SHCBP1: variants seen among roughly 807,000 people sequenced by gnomAD.
The protein encoded by SHCBP1 is SHC binding and spindle associated 1.
SHCBP1 carries 60 observed loss-of-function variants against 75.1 expected under a neutral mutation model. The ratio of observed to expected loss-of-function variants is 0.80; its 90% CI spans 0.65 to 0.99. SHCBP1 has a LOEUF of 0.99. Ranked by LOEUF, SHCBP1 falls within the 50% of genes least tolerant of loss-of-function variation. The pLI is 0.00. For synonymous variants in SHCBP1, 290 were observed against 293.2 expected (o/e 0.99, Z 0.11); for missense variants, 709 against 809.4 (o/e 0.88, Z 1.50).
In SHCBP1 at chr16:46,618,423, T is replaced by C. The variant is rs545996830; in HGVS notation, c.104-51A>G. ...AAGCTCCAGTGCCTTATTTGAATGC[T>C]TCTATTTTCATATCCTTGCATAGAA... On this transcript the variant is annotated intron_variant, in intron 1 of 12. Coordinates refer to ENST00000303383, the MANE Select transcript of SHCBP1 (RefSeq NM_024745.5). The C allele has an allele frequency of 2.5e-5, 38 of 1,500,620 alleles. No individual in the cohort carries two copies. In the African/African-American group the frequency reaches 5.1e-4, roughly 20 times the overall value. 93.0% of individuals were successfully genotyped at this position (1,500,620 alleles called of 1,614,324 possible).
intron 10 of SHCBP1, among the ~76,000 whole-genome samples, chr16:46,586,820 A>C (rs1350128260): frequency 6.6e-6 from 1 of 152,204 alleles, no homozygotes; most frequent in Non-Finnish European, 1.5e-5. Flanking sequence ...AAGAAAAAAA[A>C]TTGTCAACCC....
intron 7 of SHCBP1, 157 bp from the exon 8 acceptor site, chr16:46,603,816 G>A (rs1965281074): frequency 4.7e-6 from 6 of 1,270,922 alleles, no homozygotes; most frequent in Non-Finnish European, 6.5e-6. Flanking sequence ...CACATGCCTG[G>A]TAAGTGACTA....
intron 6 of SHCBP1, 29 bp downstream of exon 6, chr16:46,604,199 C>G (rs767162509): frequency 5.6e-6 from 9 of 1,612,668 alleles, no homozygotes; most frequent in Non-Finnish European, 7.6e-6. Context: ...AAGATGCTGA[C>G]TAACTAAGAA....
At position 46,592,951 on chromosome 16, in the gene SHCBP1, C is replaced by CAAAAAAAAAAAAAAAAAAAAAA; in HGVS notation, c.1464+2579_1464+2600dup. 1.4e-3 allele frequency among the ~76,000 whole-genome samples: 32 copies of CAAAAAAAAAAAAAAAAAAAAAA among 22,792 alleles called. 5 individuals carry two copies. The highest frequency in any genetic ancestry group is 2.6e-3 in the East Asian group (1 of 390). 15.0% of individuals were successfully genotyped at this position (22,792 alleles called of 152,430 possible). ...AACATCCACTTATGATAAAAATTCT[C>CAAAAAAAAAAAAAAAAAAAAAA]AAAAAAAAAAAAAAAAAAAAAAAAA... On this transcript the variant is annotated intron_variant, in intron 10 of 12. Coordinates refer to ENST00000303383, the MANE Select transcript of SHCBP1 (RefSeq NM_024745.5).
At chr16:46,603,931 C>T (rs750953154) in intron 7 of SHCBP1, 44 bp downstream of exon 7, 2 of 1,566,038 alleles carry the variant, frequency 1.3e-6, no homozygotes, top group African/African-American at 1.4e-5. Flanking sequence ...TGTGGTGAAT[C>T]AGAAGGAAAA....
At chr16:46,620,195 CTG>C (rs780615853) in intron 1 of SHCBP1, among the ~76,000 whole-genome samples, 4 of 152,174 alleles carry the variant, frequency 2.6e-5, no homozygotes, top group South Asian at 2.1e-4. Flanking sequence ...ATGATCTACT[CTG>C]TTAGCAAATT....
In SHCBP1 at chr16:46,599,824, T is replaced by G. The variant is rs752724699; in HGVS notation, c.1345+7A>C. On this transcript the variant is annotated splice_region_variant and intron_variant, in intron 9 of 12. Coordinates refer to ENST00000303383, the MANE Select transcript of SHCBP1 (RefSeq NM_024745.5). ...ACAAATGATATACCAAACATTCAGATACTTACTTAAGATTCCCTCTACAGC... is the reference window on the plus strand; with the variant it reads ...ACAAATGATATACCAAACATTCAGAGACTTACTTAAGATTCCCTCTACAGC... The G allele has an allele frequency of 1.1e-5, 17 of 1,596,278 alleles. 1 individual carries two copies. The South Asian group carries it at 1.9e-4, about 18-fold the overall frequency.
chr16:46,598,852 T>G (rs1965185585), intron 9 of SHCBP1, among the ~76,000 whole-genome samples: 1 of 152,254 alleles, frequency 6.6e-6, no homozygotes, highest in South Asian at 2.1e-4. Context: ...TCTGGTTAAC[T>G]TTCTGTAGCT....
intron 5 of SHCBP1, among the ~76,000 whole-genome samples, chr16:46,607,751 T>G (rs750143683): frequency 6.6e-6 from 1 of 152,204 alleles, no homozygotes; most frequent in African/African-American, 2.4e-5. Context: ...CCACATTTAA[T>G]AAGGTCATTA....
chr16:46,595,602 G>A lies in SHCBP1; in HGVS notation c.1414C>T (p.Arg472Trp), dbSNP rs1177268431. ...TTCATTAGAAACTCTGCTGATGTCC[G>A]CACTGTGACTCCGGTCGTCTCACAC... ...LQCETTGVTV[R>W]TSAEFLMKNS... Residue 472 changes from arginine to tryptophan, a missense_variant, in exon 10 of 13, where the codon CGG becomes TGG. By Grantham distance (101) the Arg-to-Trp change is moderately radical. Transcript: ENST00000303383. 1.6e-5 allele frequency: 26 copies of A among 1,613,934 alleles called. No individual in the cohort carries two copies. Among genetic ancestry groups the A allele is most frequent in the Middle Eastern group, 1.6e-4 (1 of 6,082 alleles).
intron 10 of SHCBP1, among the ~76,000 whole-genome samples, chr16:46,594,793 A>T (rs1965109260): frequency 6.6e-6 from 1 of 152,212 alleles, no homozygotes; most frequent in African/African-American, 2.4e-5. Flanking sequence ...CCTGTACCCG[A>T]ACGTTTATAG....
rs1232958159 is a variant in SHCBP1 at position 46,582,983 on chromosome 16, T to C, written c.1693+533A>G. 2.0e-5 allele frequency among the ~76,000 whole-genome samples: 3 copies of C among 152,222 alleles called. No homozygotes were observed. The East Asian group carries it at 5.8e-4, about 29-fold the overall frequency. The stretch of plus-strand genomic sequence containing the variant: ...TAGCTTGAAGTTCACAGATTTCCAC[T>C]GAGTTAGCTCCCCTTCGCTGCCAAG... On this transcript the variant is annotated intron_variant, in intron 12 of 12. Coordinates refer to ENST00000303383, the MANE Select transcript of SHCBP1 (RefSeq NM_024745.5).
chr16:46,587,858 T>C (rs1964977009), intron 10 of SHCBP1, among the ~76,000 whole-genome samples: 1 of 152,140 alleles, frequency 6.6e-6, no homozygotes, highest in Non-Finnish European at 1.5e-5. Flanking sequence ...CAACAAAATA[T>C]ACATTCTTCA....
intron 1 of SHCBP1, chr16:46,620,841 C>T: frequency 6.2e-6 from 1 of 160,828 alleles, no homozygotes; most frequent in East Asian, 1.8e-4. Context: ...GGACAGCCAT[C>T]TAAGCCAAGG....
In SHCBP1 at chr16:46,604,009, C is replaced by A. The variant is rs770906199; in HGVS notation, c.1058G>T (p.Cys353Phe). ...TCTTTCTTCCTCACCAGGCTCCTGG[C>A]AAAGCCTGTCCGTAAGCAGGGACCG... is the stretch of plus-strand genomic sequence containing the variant. ...LLRSLLTDRL[C>F]QEPGEEEREI... The change falls in exon 7 of 13, where the codon TGC (cysteine) becomes TTC (phenylalanine). Residue 353 changes from cysteine (C) to phenylalanine (F), a missense_variant. By Grantham distance (205) the Cys-to-Phe change is radical (BLOSUM62 -2). Coordinates refer to ENST00000303383, the MANE Select transcript of SHCBP1 (RefSeq NM_024745.5). 1.9e-6 allele frequency: 3 copies of A among 1,613,608 alleles called. No individual in the cohort carries two copies. The highest frequency in any genetic ancestry group is 2.5e-6 in the Non-Finnish European group (3 of 1,179,908).
At chr16:46,590,252 G>T (rs1383812544) in intron 10 of SHCBP1, among the ~76,000 whole-genome samples, 1 of 152,048 alleles carries the variant, frequency 6.6e-6, no homozygotes, top group African/African-American at 2.4e-5. Flanking sequence ...CAGGACATAC[G>T]CATGGCAGGA....
intron 10 of SHCBP1, among the ~76,000 whole-genome samples, chr16:46,590,580 C>T (rs1167355344): frequency 6.6e-6 from 1 of 152,158 alleles, no homozygotes; most frequent in East Asian, 1.9e-4. Flanking sequence ...TCGCCATCAC[C>T]GGCCATCAGA....
intron 1 of SHCBP1, among the ~76,000 whole-genome samples, chr16:46,619,687 T>G (rs1385981479): frequency 6.6e-5 from 10 of 152,226 alleles, no homozygotes; most frequent in Admixed American, 6.5e-4. Context: ...AGCACCATTC[T>G]TTATAGCTTT....
chr16:46,607,930 C>T (rs1042624591), intron 5 of SHCBP1, among the ~76,000 whole-genome samples: 2 of 152,142 alleles, frequency 1.3e-5, no homozygotes, highest in Admixed American at 1.3e-4. Context: ...GTTTTTCAAA[C>T]AATCGAATTT....
Sources: allele counts gnomAD v4.1 joint callset (sites outside exome capture counted in the v4.1 genomes callset), GRCh38; gene constraint gnomAD v4.1.1; transcripts MANE v1.5; gene names NCBI Gene and HGNC (gene_info 2026-07-23, HGNC 2026-07-21).